NTRK1: variants seen among roughly 807,000 people sequenced by gnomAD.
The protein encoded by NTRK1 is neurotrophic receptor tyrosine kinase 1.
NTRK1 carries 62 observed loss-of-function variants against 86.8 expected under a neutral mutation model. The observed-to-expected ratio is 0.71, with a 90% CI of 0.58 to 0.88. The LOEUF (loss-of-function observed/expected upper bound fraction) is 0.88. NTRK1 is among the 40% of genes least tolerant of loss of function. NTRK1 has a pLI of 0.00. For synonymous variants in NTRK1, 469 were observed against 456.6 expected, an observed-to-expected ratio of 1.03 and a Z score of -0.35; for missense variants, 967 against 1,078.4, an observed-to-expected ratio of 0.90 and a Z score of 1.45.
intron 2 of NTRK1, chr1:156,843,013 ACACTTGAAG>A (rs1654856465): frequency 6.2e-7 from 1 of 1,612,500 alleles, no homozygotes; most frequent in African/African-American, 1.3e-5. Flanking sequence ...CCACATGGTG[ACACTTGAAG>A]GCTTTCATGA....
chr1:156,830,808 G>A (rs1424992527), intron 1 of NTRK1, among the ~76,000 whole-genome samples: 4 of 152,174 alleles, frequency 2.6e-5, no homozygotes, highest in Non-Finnish European at 5.9e-5. Flanking sequence ...GGCCACCTCG[G>A]CCTCCCAAAG....
upstream of NTRK1, among the ~76,000 whole-genome samples, chr1:156,856,105 G>C (rs1314201897): frequency 2.0e-5 from 3 of 151,732 alleles, no homozygotes; most frequent in African/African-American, 7.3e-5. Flanking sequence ...TATCATGCGT[G>C]GCCATATATT....
In NTRK1 at chr1:156,873,657, C is replaced by T. The variant is rs764645590; in HGVS notation, c.875C>T (p.Thr292Met). Reference protein sequence around the residue: ...VSFPASVQLHTAVEMHHWCIP... With the variant: ...VSFPASVQLHMAVEMHHWCIP... ...GTCCCGGCCAGTGTGCAGCTGCACA[C>T]GGCGGTGGAGATGCACCACTGGTGC... Residue 292 changes from threonine (T) to methionine (M), a missense_variant, in exon 8 of 17, where the codon ACG (threonine) becomes ATG (methionine). Thr to Met is a moderately conservative substitution (Grantham distance 81). Around this residue, in one of 2 missense-constraint regions of NTRK1, gnomAD observed 637 missense variants for 776.5 expected, o/e 0.82. Coordinates refer to ENST00000524377, the MANE Select transcript of NTRK1 (RefSeq NM_002529.4). 3.0e-5 allele frequency: 48 copies of T among 1,610,336 alleles called. No homozygotes were observed. The highest frequency in any genetic ancestry group is 4.0e-5 in the African/African-American group (3 of 74,956).
rs201192875 is a variant in NTRK1, at chr1:156,868,561, G to A, written c.631G>A (p.Val211Met). Residue 211 changes from valine (V) to methionine (M), a missense_variant, in exon 6 of 17, where the codon GTG becomes ATG. Around this residue, in one of 2 missense-constraint regions of NTRK1, gnomAD observed 330 missense variants for 302.0 expected, o/e 1.09. Transcript: ENST00000524377. ...TGCCTCGGTGGATGTGGGGGACGAC[G>A]TGCTGCTGCGGTGCCAGGTGGAGGG... ...PNASVDVGDD[V>M]LLRCQVEGRG... 1.4e-4 allele frequency: 218 copies of A among 1,555,856 alleles called. 1 individual carries two copies. In the East Asian group the frequency reaches 1.6e-3, roughly 11 times the overall value.
chr1:156,876,699 T>A (rs1390316948), intron 14 of NTRK1, 127 bp downstream of exon 14: 8 of 1,179,008 alleles, frequency 6.8e-6, no homozygotes, highest in African/African-American at 3.0e-5. Flanking sequence ...GGAAGGCACA[T>A]TCCCGTCCCC....
chr1:156,844,744 A>C, intron 2 of NTRK1: 1 of 1,614,068 alleles, frequency 6.2e-7, no homozygotes, highest in East Asian at 2.2e-5. Context: ...GTACTTGAGG[A>C]TGAGTCCGTT....
At chr1:156,817,426 AAAT>A (rs140467972) in intron 1 of NTRK1, among the ~76,000 whole-genome samples, 10,310 of 151,212 alleles carry the variant, frequency 0.068, 687 homozygotes, top group African/African-American at 0.16. Flanking sequence ...ACTATTTTTA[AAAT>A]AATAATAATA....
chr1:156,819,249 C>T (rs544999749), intron 1 of NTRK1, among the ~76,000 whole-genome samples: 2 of 152,128 alleles, frequency 1.3e-5, no homozygotes, highest in Admixed American at 6.5e-5. Flanking sequence ...CTCAGGTGAT[C>T]CCCCTGCCTC....
Position 156,843,602 on chromosome 1 carries a change from TCAGG to T in NTRK1, c.50+1410_50+1413del, listed in dbSNP as rs1263198145. ...TTACTGACCACACCCCCAGCCTTGG[TCAGG>T]GTGACTCCTGGGGATCCCTAAGTAC... On this transcript the variant is annotated intron_variant, in intron 2 of 16. Transcript: ENST00000392302. 152 of 1,001,358 alleles carry T rather than the reference TCAGG, an allele frequency of 1.5e-4. No homozygotes were observed. In the African/African-American group the frequency reaches 2.2e-3, roughly 15 times the overall value. 62.0% of individuals were successfully genotyped at this position (1,001,358 alleles called of 1,614,324 possible).
intron 2 of NTRK1, chr1:156,842,259 G>C: frequency 6.2e-7 from 1 of 1,613,968 alleles, no homozygotes; most frequent in Non-Finnish European, 8.5e-7. Context: ...GGCTGTGGGA[G>C]CCCAGGGTTG....
Position 156,874,577 on chromosome 1 carries a change from A to G in NTRK1, c.1202A>G (p.Asn401Ser), listed in dbSNP as rs2102909960. The change falls in exon 10 of 17, where the codon AAC becomes AGC. Residue 401 changes from asparagine to serine, a missense_variant. Coordinates refer to ENST00000524377, the MANE Select transcript of NTRK1 (RefSeq NM_002529.4). The stretch of plus-strand genomic sequence containing the variant: ...CTGCCCTGTGTCCCTACAGACACTA[A>G]CAGCACATCTGGAGACCCGGTGGAG... ...IPVSFSPVDTNSTSGDPVEKK... is the reference protein window; with the variant it reads ...IPVSFSPVDTSSTSGDPVEKK... 3.1e-6 allele frequency: 5 copies of G among 1,614,124 alleles called. No individual in the cohort carries two copies. Among genetic ancestry groups the G allele is most frequent in the Non-Finnish European group, 3.4e-6 (4 of 1,179,992 alleles).
chr1:156,841,478 T>C, intron 1 of NTRK1: 2 of 1,613,924 alleles, frequency 1.2e-6, no homozygotes, highest in Non-Finnish European at 1.7e-6. Context: ...CAGGCCCTGG[T>C]AGGGTTGTTC....
intron 1 of NTRK1, among the ~76,000 whole-genome samples, chr1:156,822,593 C>T (rs140407128): frequency 7.5e-5 from 10 of 133,748 alleles, no homozygotes; most frequent in South Asian, 4.6e-4. Context: ...TCTCAAAGAC[C>T]GAGGCTAAAA....
At chr1:156,865,271 T>A (rs1655874568) in intron 3 of NTRK1, among the ~76,000 whole-genome samples, 2 of 152,154 alleles carry the variant, frequency 1.3e-5, no homozygotes, top group African/African-American at 4.8e-5. Context: ...GGACCCCAAC[T>A]TTTTTGGCAC....
At chr1:156,853,737 T>C in intron 2 of NTRK1, 1 of 1,585,826 alleles carries the variant, frequency 6.3e-7, no homozygotes. Context: ...ATTCATGTTC[T>C]GTGCCAGTGC....
intron 16 of NTRK1, 93 bp downstream of exon 16, chr1:156,880,250 CT>C: frequency 7.1e-7 from 1 of 1,410,072 alleles, no homozygotes; most frequent in South Asian, 1.2e-5. Context: ...CCTTCTGCCC[CT>C]CTGCCACAGC....
intron 1 of NTRK1, among the ~76,000 whole-genome samples, chr1:156,819,435 C>T (rs1654121138): frequency 6.6e-6 from 1 of 152,052 alleles, no homozygotes; most frequent in Non-Finnish European, 1.5e-5. Flanking sequence ...TGTTTGTTGG[C>T]TGTTTGTATA....
upstream of NTRK1, chr1:156,859,131 A>G (rs41502544): frequency 0.016 from 2,555 of 154,968 alleles, 63 homozygotes; most frequent in African/African-American, 0.054. This position sits in a 1 kb window ranked among gnomAD's most constrained non-coding sequence, Gnocchi z 6.2. Context: ...GCCGGCACGC[A>G]GGGGCCGCGC....
chr1:156,844,181 T>G, intron 2 of NTRK1: 2 of 1,613,008 alleles, frequency 1.2e-6, no homozygotes, highest in Non-Finnish European at 1.7e-6. Flanking sequence ...TCACCTCTTC[T>G]TGCCGTAGAA....
Sources: allele counts gnomAD v4.1 joint callset (sites outside exome capture counted in the v4.1 genomes callset), GRCh38; gene constraint gnomAD v4.1.1; regional missense constraint gnomAD v4.1.1; non-coding constraint Gnocchi (gnomAD v3.1); transcripts MANE v1.5; gene names NCBI Gene and HGNC (gene_info 2026-07-23, HGNC 2026-07-21).